Variants in FARP1 observed in about 807,000 individuals in gnomAD.
FARP1 encodes FERM, ARH/RhoGEF and pleckstrin domain protein 1.
A neutral mutation model predicts 128.8 loss-of-function variants in FARP1; 52 were observed. The observed-to-expected ratio is 0.40, with a 90% CI of 0.32 to 0.51. FARP1 has a LOEUF of 0.51. FARP1 is among the 20% of genes least tolerant of loss of function. The probability of loss-of-function intolerance (pLI) is 0.45; values close to 1 mark genes in which losing one functional copy is unlikely to be tolerated. For missense variants in FARP1, 1,333 were observed against 1,367.9 expected (o/e 0.97, Z 0.40); for synonymous variants, 580 against 551.8 (o/e 1.05, Z -0.72).
chr13:98,263,472 T>C (rs1398901360), intron 2 of FARP1, among the ~76,000 whole-genome samples: 2 of 152,254 alleles, frequency 1.3e-5, no homozygotes, highest in Non-Finnish European at 1.5e-5. Context: ...GTATCATCTT[T>C]TGTACTTGGA....
rs757279927 is a variant in FARP1, at chr13:98,446,203, C to A, written c.2902C>A (p.Gln968Lys). 1.2e-6 allele frequency: 2 copies of A among 1,608,002 alleles called. No individual in the cohort carries two copies. The highest frequency in any genetic ancestry group is 2.7e-5 in the African/African-American group (2 of 74,790). The change falls in exon 25 of 27, where the codon CAG (glutamine) becomes AAG (lysine). Residue 968 changes from glutamine (Q) to lysine (K), a missense_variant and splice_region_variant. By Grantham distance (53) the Gln-to-Lys change is moderately conservative. Around this residue, in one of 2 missense-constraint regions of FARP1, gnomAD observed 1,009 missense variants for 969.8 expected, o/e 1.04. Transcript: ENST00000319562. The stretch of plus-strand genomic sequence containing the variant: ...CTGCCTGTTCTTCTACAAATCACAC[C>A]AGGTAAGTGTCTCGCACAGGGCAGG... ...NFCLFFYKSH[Q>K]DNHPLASLPL...
intron 17 of FARP1, among the ~76,000 whole-genome samples, chr13:98,429,267 G>A (rs897003229): frequency 3.3e-5 from 5 of 152,220 alleles, no homozygotes; most frequent in African/African-American, 9.6e-5. Context: ...CTCAGCAGGG[G>A]TCACTGTGTG....
intron 1 of FARP1, among the ~76,000 whole-genome samples, chr13:98,191,086 C>G (rs1031843859): frequency 3.3e-5 from 5 of 152,172 alleles, no homozygotes; most frequent in African/African-American, 1.2e-4. Context: ...CTCTCCGGCC[C>G]GACACTGCTG....
At chr13:98,152,259 A>G (rs1876067811) in intron 1 of FARP1, among the ~76,000 whole-genome samples, 1 of 152,176 alleles carries the variant, frequency 6.6e-6, no homozygotes, top group Non-Finnish European at 1.5e-5. Flanking sequence ...ATTAGTCATT[A>G]TGCCTAATGG....
At chr13:98,247,276 G>A (rs1245588979) in intron 2 of FARP1, among the ~76,000 whole-genome samples, 1 of 152,214 alleles carries the variant, frequency 6.6e-6, no homozygotes, top group Non-Finnish European at 1.5e-5. Flanking sequence ...ACACCTAGAA[G>A]ACGATGCGTG....
intron 13 of FARP1, among the ~76,000 whole-genome samples, chr13:98,408,919 A>C (rs774618612): frequency 6.6e-6 from 1 of 152,232 alleles, no homozygotes; most frequent in Non-Finnish European, 1.5e-5. Flanking sequence ...TCCTAAGTAC[A>C]GCAGTTGCTT....
At chr13:98,309,187 GAC>G (rs1886333937) in intron 2 of FARP1, among the ~76,000 whole-genome samples, 1 of 96,122 alleles carries the variant, frequency 1.0e-5, no homozygotes, top group African/African-American at 4.2e-5. Context: ...TTTTTTTGGA[GAC>G]GGAGTCTCGC....
Position 98,321,072 on chromosome 13 carries a change from G to A in FARP1, c.172-22690G>A, listed in dbSNP as rs184894910. 8.3e-4 allele frequency among the ~76,000 whole-genome samples: 127 copies of A among 152,294 alleles called. 1 individual carries two copies. The South Asian group carries it at 0.015, about 18-fold the overall frequency. On this transcript the variant is annotated intron_variant, in intron 2 of 26. Coordinates refer to ENST00000319562, the MANE Select transcript of FARP1 (RefSeq NM_005766.4). ...GTAACTTGTCATCACCACCTTTGAC[G>A]TTGTTTGAAGCTATGATGTGTGAGT... is the stretch of plus-strand genomic sequence containing the variant.
rs267603874 is a variant in FARP1 at position 98,395,328 on chromosome 13, G to A, written c.1266G>A (p.Pro422=). The change falls in exon 13 of 27, where the codon CCG becomes CCA. Residue 422 remains proline (P), a synonymous_variant. Coordinates refer to ENST00000319562, the MANE Select transcript of FARP1 (RefSeq NM_005766.4). ...GKEPKVSAGE[P]GSHPSPAPRR... Reference sequence around the variant, plus strand: ...AACCGAAGGTTTCCGCCGGGGAGCCGGGGTCGCACCCGAGCCCTGCGCCGA... The same window carrying A: ...AACCGAAGGTTTCCGCCGGGGAGCCAGGGTCGCACCCGAGCCCTGCGCCGA... 1 of 1,610,328 alleles carries A rather than the reference G, an allele frequency of 6.2e-7. No homozygotes were observed. Among genetic ancestry groups the A allele is most frequent in the Non-Finnish European group, 8.5e-7 (1 of 1,177,686 alleles).
chr13:98,161,137 C>A (rs1350394412), intron 1 of FARP1, among the ~76,000 whole-genome samples: 1 of 151,858 alleles, frequency 6.6e-6, no homozygotes, highest in Admixed American at 6.6e-5. Context: ...TTTAAGAACG[C>A]TCTATTTTTT....
At chr13:98,430,401 G>A (rs1295562796) in intron 17 of FARP1, among the ~76,000 whole-genome samples, 3 of 152,198 alleles carry the variant, frequency 2.0e-5, no homozygotes, top group Non-Finnish European at 4.4e-5. Context: ...TATCTGCCTG[G>A]AAGTGTCCTT....
At chr13:98,255,935 C>T (rs1009187213) in intron 2 of FARP1, among the ~76,000 whole-genome samples, 29 of 152,294 alleles carry the variant, frequency 1.9e-4, no homozygotes, top group Admixed American at 1.7e-3. Flanking sequence ...CCCTTCCCAG[C>T]CCCCAAATCC....
intron 2 of FARP1, among the ~76,000 whole-genome samples, chr13:98,308,004 G>GC (rs147480714): frequency 0.43 from 39,095 of 91,874 alleles, 7,384 homozygotes; most frequent in East Asian, 0.64. Flanking sequence ...TGGACTGCCT[G>GC]CCCCCCTCCG....
chr13:98,309,227 C>A (rs188301176), intron 2 of FARP1, among the ~76,000 whole-genome samples: 3 of 118,492 alleles, frequency 2.5e-5, no homozygotes, highest in Non-Finnish European at 4.8e-5. Context: ...AGTGCAGTGG[C>A]GCAATCTCGG....
chr13:98,383,130 T>C (rs1253513322), intron 6 of FARP1, among the ~76,000 whole-genome samples: 2 of 152,234 alleles, frequency 1.3e-5, no homozygotes, highest in Non-Finnish European at 2.9e-5. Flanking sequence ...TCAGTGTTTA[T>C]GGTAACCTTG....
chr13:98,408,298 C>A (rs1891053427), intron 13 of FARP1, among the ~76,000 whole-genome samples: 1 of 149,188 alleles, frequency 6.7e-6, no homozygotes, highest in Non-Finnish European at 1.5e-5. Context: ...TCTCCCTTGG[C>A]TGACTCATAG....
chr13:98,358,880 G>A (rs1485258423), intron 3 of FARP1, among the ~76,000 whole-genome samples: 2 of 151,920 alleles, frequency 1.3e-5, no homozygotes, highest in East Asian at 1.9e-4. Context: ...CTTGTGATTC[G>A]CCTGCCTCAG....
intron 1 of FARP1, among the ~76,000 whole-genome samples, chr13:98,167,093 G>A (rs369427121): frequency 3.7e-4 from 56 of 152,174 alleles, no homozygotes; most frequent in Admixed American, 1.1e-3. Flanking sequence ...ATTTTCAAAC[G>A]TTGACAACTC....
chr13:98,327,415 A>G (rs866930879), intron 2 of FARP1, among the ~76,000 whole-genome samples: 37 of 152,352 alleles, frequency 2.4e-4, no homozygotes, highest in Middle Eastern at 3.4e-3. Context: ...GGGAATTATC[A>G]TTAAAACGGT....
Sources: allele counts gnomAD v4.1 joint callset (sites outside exome capture counted in the v4.1 genomes callset), GRCh38; gene constraint gnomAD v4.1.1; regional missense constraint gnomAD v4.1.1; transcripts MANE v1.5; gene names NCBI Gene and HGNC (gene_info 2026-07-23, HGNC 2026-07-21).